The following DUSP16 variants were observed in gnomAD, a reference collection of about 807,000 sequenced individuals.
The protein encoded by DUSP16 is dual specificity phosphatase 16, also known as dual specificity protein phosphatase 16.
In DUSP16, 21 loss-of-function variants were observed where a neutral mutation model predicts 58.3. The observed-to-expected ratio is 0.36, with a 90% CI of 0.26 to 0.52. The LOEUF is 0.52. Among genes scored for constraint, DUSP16 ranks in the 20% least tolerant of loss-of-function variants. The pLI is 0.94. For synonymous variants in DUSP16, 320 were observed against 323.8 expected (o/e 0.99, Z 0.12); for missense variants, 726 against 819.0 (o/e 0.89, Z 1.39).
intron 1 of DUSP16, among the ~76,000 whole-genome samples, 176 bp from the exon 2 acceptor site, chr12:12,521,639 A>G (rs1944239329): frequency 6.6e-6 from 1 of 152,256 alleles, no homozygotes; most frequent in Admixed American, 6.5e-5. Context: ...TGGCTTCAGA[A>G]AAATGTGCTA....
Position 12,474,718 on chromosome 12 carries a change from C to T in DUSP16, c.*2115G>A, listed in dbSNP as rs577604263. On this transcript the variant is annotated 3_prime_UTR_variant, in exon 7 of 7. Coordinates refer to ENST00000298573, the MANE Select transcript of DUSP16 (RefSeq NM_030640.3). ...CCTAAATGACAGAAGCTCATTAAAA[C>T]CAAGTCCCCCAAACCTCCTGAAACA... 1 of 152,356 alleles carries T rather than the reference C, an allele frequency of 6.6e-6. No homozygotes were observed. Among genetic ancestry groups the T allele is most frequent in the African/African-American group, 2.4e-5 (1 of 41,576 alleles). The allele number at this position is 152,356 out of a possible 1,614,324, so 9.4% of individuals were successfully genotyped here.
At chr12:12,491,221 GTTGGTGTTT>G (rs1943756510) in intron 4 of DUSP16, 1 of 143,458 alleles carries the variant, frequency 7.0e-6, no homozygotes, top group African/African-American at 2.6e-5. Context: ...CTTAATTTTT[GTTGGTGTTT>G]TTAAGACACA....
chr12:12,552,003 C>A (rs950474534), intron 1 of DUSP16, among the ~76,000 whole-genome samples: 2 of 151,830 alleles, frequency 1.3e-5, no homozygotes, highest in East Asian at 1.9e-4. Context: ...GCTTAGTAAA[C>A]CATTATTTTT....
At chr12:12,511,150 G>C (rs561042579) in intron 3 of DUSP16, among the ~76,000 whole-genome samples, 1 of 152,198 alleles carries the variant, frequency 6.6e-6, no homozygotes, top group African/African-American at 2.4e-5. Flanking sequence ...GCAATGGATT[G>C]GAAGGTGGCA....
chr12:12,538,421 A>G (rs1040655292), intron 1 of DUSP16, among the ~76,000 whole-genome samples: 4 of 152,246 alleles, frequency 2.6e-5, no homozygotes, highest in African/African-American at 9.6e-5. Context: ...TCTTCTGGCA[A>G]GTTAATAATG....
At chr12:12,486,306 A>G (rs1386181668) in intron 5 of DUSP16, among the ~76,000 whole-genome samples, 1 of 152,086 alleles carries the variant, frequency 6.6e-6, no homozygotes, top group Non-Finnish European at 1.5e-5. Context: ...CACATTCCAA[A>G]TACACATCAC....
At chr12:12,508,514 T>C (rs778512626) in intron 3 of DUSP16, among the ~76,000 whole-genome samples, 2 of 152,190 alleles carry the variant, frequency 1.3e-5, no homozygotes, top group Non-Finnish European at 2.9e-5. Flanking sequence ...CCTTTTCCCA[T>C]ATAGCCAACT....
intron 1 of DUSP16, among the ~76,000 whole-genome samples, chr12:12,524,048 G>A (rs1010989941): frequency 3.3e-5 from 5 of 152,232 alleles, no homozygotes; most frequent in African/African-American, 1.2e-4. Context: ...GGGACAAAAG[G>A]AGGGAGAAGT....
Position 12,473,883 on chromosome 12 carries a change from G to A in DUSP16, c.*2950C>T, listed in dbSNP as rs190360885. On this transcript the variant is annotated 3_prime_UTR_variant, in exon 7 of 7. Transcript: ENST00000298573. Reference sequence around the variant, plus strand: ...TACATGTTATATCGAAATGGGCCATGTGTGTGTAGCTGGCCTTTTTTTTCC... The same window carrying A: ...TACATGTTATATCGAAATGGGCCATATGTGTGTAGCTGGCCTTTTTTTTCC... 9.1e-4 allele frequency among the ~76,000 whole-genome samples: 138 copies of A among 152,352 alleles called. No individual in the cohort carries two copies. The highest frequency in any genetic ancestry group is 3.2e-3 in the African/African-American group (135 of 41,584).
At chr12:12,493,712 G>C (rs1943792425) in intron 4 of DUSP16, among the ~76,000 whole-genome samples, 2 of 152,064 alleles carry the variant, frequency 1.3e-5, no homozygotes, top group Admixed American at 6.6e-5. Flanking sequence ...TCTTCCTCCA[G>C]ATATTCAAAT....
intron 3 of DUSP16, among the ~76,000 whole-genome samples, chr12:12,512,182 G>GT (rs1467446363): frequency 2.6e-5 from 4 of 152,308 alleles, no homozygotes; most frequent in South Asian, 4.2e-4. Flanking sequence ...ACAGCAGCCA[G>GT]TGAGCAAACA....
intron 3 of DUSP16, among the ~76,000 whole-genome samples, chr12:12,513,997 C>G (rs1159832747): frequency 6.6e-6 from 1 of 152,102 alleles, no homozygotes; most frequent in African/African-American, 2.4e-5. Flanking sequence ...AAAAAAGTTG[C>G]TCAATAAATC....
intron 6 of DUSP16, among the ~76,000 whole-genome samples, chr12:12,478,815 G>A (rs920173169): frequency 2.0e-5 from 3 of 152,176 alleles, no homozygotes; most frequent in Non-Finnish European, 4.4e-5. Flanking sequence ...AAAAGAAGAT[G>A]GTATCAGATG....
chr12:12,559,994 G>C (rs1234013781), intron 1 of DUSP16, among the ~76,000 whole-genome samples: 1 of 152,010 alleles, frequency 6.6e-6, no homozygotes, highest in Non-Finnish European at 1.5e-5. Flanking sequence ...TTAAGCTTTT[G>C]GCCCAAAGAC....
In DUSP16 at chr12:12,477,876, G is replaced by C. The variant is rs751151951; in HGVS notation, c.955C>G (p.Pro319Ala). Reference protein sequence around the residue: ...SKLKLLHLEKPNEPVPAVSEG... With the variant: ...SKLKLLHLEKANEPVPAVSEG... ...GAGACAGCAGGGACAGGTTCATTTGGCTTCTCCAGGTGCAGCAGCTTGAGT... is the reference window on the plus strand; with the variant it reads ...GAGACAGCAGGGACAGGTTCATTTGCCTTCTCCAGGTGCAGCAGCTTGAGT... Residue 319 changes from proline to alanine, a missense_variant, in exon 7 of 7, where the codon CCA (proline) becomes GCA (alanine). Physicochemically the swap from Pro to Ala is conservative, Grantham distance 27. Coordinates refer to ENST00000298573, the MANE Select transcript of DUSP16 (RefSeq NM_030640.3). This position sits in a 1 kb window ranked among gnomAD's most constrained non-coding sequence, Gnocchi z 4.1. The C allele has an allele frequency of 5.6e-6, 9 of 1,613,986 alleles. No individual in the cohort carries two copies. Among genetic ancestry groups the C allele is most frequent in the Non-Finnish European group, 1.7e-6 (2 of 1,180,046 alleles).
intron 4 of DUSP16, among the ~76,000 whole-genome samples, chr12:12,495,338 C>T (rs1304727781): frequency 6.6e-6 from 1 of 151,542 alleles, no homozygotes; most frequent in Admixed American, 6.6e-5. Context: ...TTGAATACAG[C>T]AGGCGAGGTT....
chr12:12,491,791 C>CAATT (rs765581245), intron 4 of DUSP16, among the ~76,000 whole-genome samples: 10 of 152,098 alleles, frequency 6.6e-5, no homozygotes, highest in Non-Finnish European at 1.3e-4. Context: ...TACCAATTAC[C>CAATT]ACAAACCCTC....
In DUSP16 at chr12:12,562,449, T is replaced by TG. The variant is rs955095838; in HGVS notation, c.-699dup. The TG allele has an allele frequency of 8.5e-6, 1 of 117,870 alleles. No homozygotes were observed. Among genetic ancestry groups the TG allele is most frequent in the African/African-American group, 3.1e-5 (1 of 32,508 alleles). 7.3% of individuals were successfully genotyped at this position (117,870 alleles called of 1,614,324 possible). A position where few individuals can be genotyped will look rare whatever the true frequency, so the allele number is the denominator to read the frequency against. ...GATGAAGAACTTAGGGAGGTAAAGG[T>TG]GGGGGGCCGCGTTGTGAAAGTGGGG... On this transcript the variant is annotated 5_prime_UTR_variant, in exon 1 of 7. It introduces an in-frame stop codon into an upstream open reading frame of the 5' UTR. Transcript: ENST00000298573.
chr12:12,533,163 T>A (rs900662416), intron 1 of DUSP16, among the ~76,000 whole-genome samples: 5 of 152,234 alleles, frequency 3.3e-5, no homozygotes, highest in Admixed American at 6.5e-5. Context: ...ATGACTCTTA[T>A]AATACAAAAG....
Sources: allele counts gnomAD v4.1 joint callset (sites outside exome capture counted in the v4.1 genomes callset), GRCh38; gene constraint gnomAD v4.1.1; non-coding constraint Gnocchi (gnomAD v3.1); transcripts MANE v1.5; gene names NCBI Gene and HGNC (gene_info 2026-07-23, HGNC 2026-07-21).